Variants in ANLN observed in about 807,000 individuals in gnomAD.
ANLN encodes the protein anillin.
Under a neutral mutation model 135.1 loss-of-function variants are expected in ANLN, and 59 were observed. The ratio of observed to expected loss-of-function variants is 0.44; its 90% CI spans 0.35 to 0.54. ANLN has a LOEUF of 0.54. Among genes scored for constraint, ANLN ranks in the 20% least tolerant of loss-of-function variants. The probability of loss-of-function intolerance (pLI) is 0.00; values close to 1 mark genes in which losing one functional copy is unlikely to be tolerated. For missense variants in ANLN, 1,182 were observed against 1,340.0 expected, an observed-to-expected ratio of 0.88 and a Z score of 1.84; for synonymous variants, 406 against 456.4, an observed-to-expected ratio of 0.89 and a Z score of 1.41.
chr7:36,391,787 GA>G (rs1230378081), intron 1 of ANLN, among the ~76,000 whole-genome samples: 1 of 152,130 alleles, frequency 6.6e-6, no homozygotes, highest in Non-Finnish European at 1.5e-5. Flanking sequence ...ACAAACATAG[GA>G]AATAAGTCTA....
At chr7:36,422,031 T>A in intron 13 of ANLN, 39 bp downstream of exon 13, 1 of 1,589,616 alleles carries the variant, frequency 6.3e-7, no homozygotes, top group Non-Finnish European at 8.5e-7. Flanking sequence ...AACAAATTTC[T>A]AACCAGGGAA....
chr7:36,436,022 A>G (rs1184094487), intron 20 of ANLN, among the ~76,000 whole-genome samples: 3 of 152,134 alleles, frequency 2.0e-5, no homozygotes, highest in African/African-American at 7.2e-5. Flanking sequence ...GGCATTTAGT[A>G]CATTCACAAT....
At position 36,426,957 on chromosome 7, in the gene ANLN, A is replaced by C; in HGVS notation, c.2812A>C (p.Asn938His). The C allele has an allele frequency of 6.2e-7, 1 of 1,613,408 alleles. No homozygotes were observed. The change falls in exon 20 of 24, where the codon AAC (asparagine) becomes CAC (histidine). Residue 938 changes from asparagine (N) to histidine (H), a missense_variant. This residue lies in a region of ANLN where 1,022 missense variants were observed against 1,134.0 expected (regional missense o/e 0.90). Transcript: ENST00000265748. Reference sequence around the variant, plus strand: ...AGGTCTTAGTGCTGTGCGAACCAGCAACTTCGCCCTTGTTGGATCTTACAC... The same window carrying C: ...AGGTCTTAGTGCTGTGCGAACCAGCCACTTCGCCCTTGTTGGATCTTACAC... ...PGGLSAVRTS[N>H]FALVGSYTLS...
At chr7:36,420,065 A>T in intron 10 of ANLN, 104 bp from the exon 11 acceptor site, 1 of 1,114,718 alleles carries the variant, frequency 9.0e-7, no homozygotes, top group Non-Finnish European at 1.3e-6. Flanking sequence ...CAATCAGCTT[A>T]CTGGATTTTT....
chr7:36,414,735 A>C (rs1583616653), intron 7 of ANLN, among the ~76,000 whole-genome samples: 1 of 152,300 alleles, frequency 6.6e-6, no homozygotes, highest in East Asian at 1.9e-4. Context: ...TAATCCACTC[A>C]TCTGCATGCT....
At position 36,420,233 on chromosome 7, in the gene ANLN, C is replaced by G. The variant is rs1169646724; in HGVS notation, c.1934C>G (p.Pro645Arg). ...DTSRSDESPK[P>R]GKFQRTRVPR... ...AGCAGAAGTGATGAAAGTCCAAAAC[C>G]AGGAAAATTCCAAAGAACTCGTGTC... is the stretch of plus-strand genomic sequence containing the variant. Residue 645 changes from proline (P) to arginine (R), a missense_variant, in exon 11 of 24, where the codon CCA becomes CGA. Pro to Arg is a moderately radical substitution (Grantham distance 103). Transcript: ENST00000265748. 1 of 1,613,922 alleles carries G rather than the reference C, an allele frequency of 6.2e-7. No individual in the cohort carries two copies. Among genetic ancestry groups the G allele is most frequent in the South Asian group, 1.1e-5 (1 of 91,078 alleles).
intron 12 of ANLN, among the ~76,000 whole-genome samples, chr7:36,421,248 A>G (rs1235340855): frequency 1.3e-5 from 2 of 152,048 alleles, no homozygotes; most frequent in Non-Finnish European, 2.9e-5. Context: ...TTATATTTTT[A>G]GTAGAGATGG....
intron 20 of ANLN, among the ~76,000 whole-genome samples, chr7:36,435,832 C>T (rs1788517843): frequency 1.5e-5 from 2 of 129,302 alleles, no homozygotes; most frequent in Non-Finnish European, 3.1e-5. Context: ...GAGATCGCGC[C>T]ACTGCACTCC....
At position 36,423,829 on chromosome 7, in the gene ANLN, A is replaced by C. The variant is rs757620809; in HGVS notation, c.2489A>C (p.Tyr830Ser). The C allele has an allele frequency of 1.2e-6, 2 of 1,610,300 alleles. No homozygotes were observed. Among genetic ancestry groups the C allele is most frequent in the Middle Eastern group, 1.7e-4 (1 of 6,026 alleles). Residue 830 changes from tyrosine (Y) to serine (S), a missense_variant, in exon 15 of 24, where the codon TAC (tyrosine) becomes TCC (serine). By Grantham distance (144) the Tyr-to-Ser change is moderately radical. Around this residue, in one of 3 missense-constraint regions of ANLN, gnomAD observed 1,022 missense variants for 1,134.0 expected, o/e 0.90. Coordinates refer to ENST00000265748, the MANE Select transcript of ANLN (RefSeq NM_018685.5). ...STVQKPDAAN[Y>S]YYLIILKAGA... ...TTACTTCTTACAGATGCAGCAAATT[A>C]CTATTACTTAATTATACTAAAAGCA... is the stretch of plus-strand genomic sequence containing the variant.
intron 20 of ANLN, among the ~76,000 whole-genome samples, chr7:36,435,090 TTAAA>T: frequency 6.6e-6 from 1 of 152,172 alleles, no homozygotes; most frequent in Admixed American, 6.5e-5. Flanking sequence ...ACCCTACACT[TTAAA>T]TATGTTCAAT....
In ANLN at chr7:36,453,030, T is replaced by G. The variant is rs1789310297; in HGVS notation, c.*430T>G. On this transcript the variant is annotated 3_prime_UTR_variant, in exon 24 of 24. Transcript: ENST00000265748. ...GGCTGTGATCATTTATTGATCGTGA[T>G]ATGACTTGTTACTAGGGTACTGAAA... 6.5e-6 allele frequency: 1 copy of G among 154,992 alleles called. No individual in the cohort carries two copies. Among genetic ancestry groups the G allele is most frequent in the Non-Finnish European group, 1.4e-5 (1 of 69,904 alleles). The allele number at this position is 154,992 out of a possible 1,614,324, so 9.6% of individuals were successfully genotyped here.
At chr7:36,405,938 A>T (rs1031746231) in intron 3 of ANLN, among the ~76,000 whole-genome samples, 3 of 151,610 alleles carry the variant, frequency 2.0e-5, no homozygotes. Context: ...CTTATTCATG[A>T]TCCATTGAAA....
chr7:36,412,261 T>C (rs1787444632), intron 7 of ANLN, among the ~76,000 whole-genome samples: 1 of 150,364 alleles, frequency 6.7e-6, no homozygotes, highest in Non-Finnish European at 1.5e-5. Flanking sequence ...ATCCTGCTTC[T>C]AGTCTCGCTA....
In ANLN at chr7:36,443,802, G is replaced by T; in HGVS notation, c.3018G>T (p.Trp1006Cys). The T allele has an allele frequency of 6.2e-7, 1 of 1,612,966 alleles. No individual in the cohort carries two copies. The highest frequency in any genetic ancestry group is 8.5e-7 in the Non-Finnish European group (1 of 1,179,390). Residue 1006 changes from tryptophan to cysteine, a missense_variant, in exon 22 of 24, where the codon TGG becomes TGT. By Grantham distance (215) the Trp-to-Cys change is radical (BLOSUM62 -2). Around this residue, in one of 3 missense-constraint regions of ANLN, gnomAD observed 82 missense variants for 133.3 expected, o/e 0.62. Transcript: ENST00000265748. ...GTTTTGGTGCCTGGCATCGAAGATGGTGTGTTCTTTCTGGAAACTGTATAT... is the reference window on the plus strand; with the variant it reads ...GTTTTGGTGCCTGGCATCGAAGATGTTGTGTTCTTTCTGGAAACTGTATAT... ...VSGFGAWHRR[W>C]CVLSGNCISY... is the part of the protein sequence containing the mutation.
chr7:36,431,079 T>C lies in ANLN; in HGVS notation c.2883+4051T>C, dbSNP rs560583520. Reference sequence around the variant, plus strand: ...ATTTTCTTCTCATTGTTCTGATTTTTGTTATCAGTAGCATGCTCTGTGCTA... The same window carrying C: ...ATTTTCTTCTCATTGTTCTGATTTTCGTTATCAGTAGCATGCTCTGTGCTA... On this transcript the variant is annotated intron_variant, in intron 20 of 23. Transcript: ENST00000265748. Among the ~76,000 whole-genome samples the C allele has an allele frequency of 2.0e-3, 305 of 152,332 alleles. 1 individual carries two copies. Among genetic ancestry groups the C allele is most frequent in the Non-Finnish European group, 3.5e-3 (235 of 68,028 alleles).
In ANLN at chr7:36,393,325, A is replaced by C. The variant is rs565820563; in HGVS notation, c.19-2941A>C. Among the ~76,000 whole-genome samples, 4 of 152,280 alleles carry C rather than the reference A, an allele frequency of 2.6e-5. No homozygotes were observed. In the South Asian group the frequency reaches 8.3e-4, roughly 32 times the overall value. On this transcript the variant is annotated intron_variant, in intron 1 of 23. Transcript: ENST00000265748. ...AAGCATGAGCCACTGTGCCCAGCAG[A>C]GACTTTCTTATAAAGGCTTACAGCC...
At position 36,401,861 on chromosome 7, in the gene ANLN, G is replaced by T. The variant is rs555022769; in HGVS notation, c.487+2468G>T. On this transcript the variant is annotated intron_variant, in intron 3 of 23. Transcript: ENST00000265748. ...CAGCTTTCCAGTGACATGCCCACCA[G>T]TGTGCCATGTCAATTCATCATTGCC... Among the ~76,000 whole-genome samples, 16 of 117,952 alleles carry T rather than the reference G, an allele frequency of 1.4e-4. 4 individuals carry two copies. Among genetic ancestry groups the T allele is most frequent in the Non-Finnish European group, 2.2e-4 (12 of 54,082 alleles). The allele number at this position is 117,952 out of a possible 152,430, so 77.4% of individuals were successfully genotyped here. A position where few individuals can be genotyped will look rare whatever the true frequency, so the allele number is the denominator to read the frequency against.
At chr7:36,401,011 A>G (rs1443904645) in intron 3 of ANLN, among the ~76,000 whole-genome samples, 1 of 152,224 alleles carries the variant, frequency 6.6e-6, no homozygotes, top group Non-Finnish European at 1.5e-5. Context: ...CATACATATC[A>G]GTTCTTTTAA....
intron 4 of ANLN, among the ~76,000 whole-genome samples, chr7:36,407,047 G>T: frequency 6.6e-6 from 1 of 152,142 alleles, no homozygotes; most frequent in East Asian, 1.9e-4. Context: ...TTTACTTTGT[G>T]CATGTGTTAC....
Sources: allele counts gnomAD v4.1 joint callset (sites outside exome capture counted in the v4.1 genomes callset), GRCh38; gene constraint gnomAD v4.1.1; regional missense constraint gnomAD v4.1.1; transcripts MANE v1.5; gene names NCBI Gene and HGNC (gene_info 2026-07-23, HGNC 2026-07-21).